The following NRXN1 variants were observed in gnomAD, a reference collection of about 807,000 sequenced individuals.
The protein encoded by NRXN1 is neurexin-1.
Under a neutral mutation model 150.9 loss-of-function variants are expected in NRXN1, and 39 were observed. The observed-to-expected ratio is 0.26, with a 90% CI of 0.20 to 0.34. The LOEUF (loss-of-function observed/expected upper bound fraction) is 0.34, where lower values mean the gene tolerates loss of function less well. Ranked by LOEUF, NRXN1 falls within the 10% of genes least tolerant of loss-of-function variation. NRXN1 has a pLI of 1.00. For synonymous variants in NRXN1, 924 were observed against 757.0 expected (o/e 1.22, Z -3.62); for missense variants, 1,815 against 1,949.9 (o/e 0.93, Z 1.30).
At position 50,508,254 on chromosome 2, in the gene NRXN1, T is replaced by C. The variant is rs146779756; in HGVS notation, c.2375-1637A>G. 1.5e-3 allele frequency among the ~76,000 whole-genome samples: 224 copies of C among 152,294 alleles called. 8 individuals carry two copies. In the East Asian group the frequency reaches 0.04, roughly 27 times the overall value. On this transcript the variant is annotated intron_variant, in intron 12 of 22. Coordinates refer to ENST00000401669, the MANE Select transcript of NRXN1 (RefSeq NM_001330078.2). ...CCTCAGTTATTTATATCTGTTTGTA[T>C]CTTTAGAGAAATTAAATTACAACTC... is the stretch of plus-strand genomic sequence containing the variant.
At chr2:50,370,836 T>C (rs2079966866) in intron 17 of NRXN1, among the ~76,000 whole-genome samples, 1 of 151,982 alleles carries the variant, frequency 6.6e-6, no homozygotes, top group African/African-American at 2.4e-5. Flanking sequence ...ACTTAATTCC[T>C]TTGCTCTGCT....
intron 8 of NRXN1, among the ~76,000 whole-genome samples, chr2:50,610,594 T>C (rs1677876600): frequency 7.2e-6 from 1 of 139,188 alleles, no homozygotes; most frequent in Non-Finnish European, 1.5e-5. Context: ...TACTCATCTA[T>C]GTGCCCCAGT....
At chr2:50,431,279 G>A (rs748811709) in intron 17 of NRXN1, among the ~76,000 whole-genome samples, 7 of 151,988 alleles carry the variant, frequency 4.6e-5, no homozygotes, top group Non-Finnish European at 1.0e-4. Context: ...TTACCTATTC[G>A]TTTCCCTTGA....
chr2:50,183,459 G>T (rs373563023), intron 18 of NRXN1, among the ~76,000 whole-genome samples: 2 of 151,624 alleles, frequency 1.3e-5, no homozygotes, highest in African/African-American at 2.4e-5. Flanking sequence ...ATTTGAAAAA[G>T]ACCTTACTTT....
At chr2:50,787,492 G>A (rs540186814) in intron 5 of NRXN1, among the ~76,000 whole-genome samples, 1 of 149,756 alleles carries the variant, frequency 6.7e-6, no homozygotes, top group Admixed American at 6.7e-5. Context: ...AACCCAGGAG[G>A]TAGAGGTTGC....
chr2:50,971,155 T>C (rs1165721466), intron 2 of NRXN1, among the ~76,000 whole-genome samples: 1 of 152,178 alleles, frequency 6.6e-6, no homozygotes, highest in Admixed American at 6.6e-5. Flanking sequence ...TAGGACCAAT[T>C]GTTTCATATT....
intron 5 of NRXN1, among the ~76,000 whole-genome samples, chr2:50,673,238 C>T (rs1689101643): frequency 1.3e-5 from 2 of 152,014 alleles, no homozygotes; most frequent in African/African-American, 2.4e-5. Flanking sequence ...ATTTTAATTA[C>T]AATTTATTAT....
At chr2:50,447,017 C>T (rs1164173111) in intron 17 of NRXN1, among the ~76,000 whole-genome samples, 1 of 151,994 alleles carries the variant, frequency 6.6e-6, no homozygotes, top group Non-Finnish European at 1.5e-5. Context: ...ATCTCTTTAC[C>T]ATATTGCTAC....
chr2:50,961,617 G>T (rs1693213065), intron 2 of NRXN1, among the ~76,000 whole-genome samples: 1 of 151,784 alleles, frequency 6.6e-6, no homozygotes. Context: ...GCTATAATAT[G>T]ATTCATTTGA....
intron 17 of NRXN1, among the ~76,000 whole-genome samples, chr2:50,311,111 A>C (rs1239508408): frequency 6.6e-6 from 1 of 152,118 alleles, no homozygotes; most frequent in East Asian, 1.9e-4. Context: ...TAAGAAGAGT[A>C]ATGCTATCTA....
At chr2:50,273,275 CTT>C (rs1558425524) in intron 17 of NRXN1, among the ~76,000 whole-genome samples, 1 of 152,126 alleles carries the variant, frequency 6.6e-6, no homozygotes, top group African/African-American at 2.4e-5. Context: ...ATTTTTAGGA[CTT>C]TATCATACAA....
rs1489990412 is a variant in NRXN1 at position 50,613,860 on chromosome 2, C to A, written c.1320+6162G>T. Among the ~76,000 whole-genome samples the A allele has an allele frequency of 2.0e-5, 3 of 152,124 alleles. No individual in the cohort carries two copies. In the East Asian group the frequency reaches 5.8e-4, roughly 29 times the overall value. Reference sequence around the variant, plus strand: ...GGCTGAGGCAGGAGAATGGCGTGAACCCAGGTGGCGGAGCTTGCAGTAAGC... The same window carrying A: ...GGCTGAGGCAGGAGAATGGCGTGAAACCAGGTGGCGGAGCTTGCAGTAAGC... On this transcript the variant is annotated intron_variant, in intron 8 of 22. Coordinates refer to ENST00000401669, the MANE Select transcript of NRXN1 (RefSeq NM_001330078.2).
chr2:50,425,403 T>C lies in NRXN1; in HGVS notation c.3364+40039A>G, dbSNP rs2084396128. 2.0e-5 allele frequency among the ~76,000 whole-genome samples: 3 copies of C among 152,310 alleles called. No homozygotes were observed. The South Asian group carries it at 6.2e-4, about 32-fold the overall frequency. On this transcript the variant is annotated intron_variant, in intron 17 of 22. Transcript: ENST00000401669. ...AAACATCCATTACAACCAGCAAGCT[T>C]CCTGTCTTACAACTACTCTCCAGCT...
At chr2:50,231,690 T>C (rs908178599) in intron 18 of NRXN1, among the ~76,000 whole-genome samples, 2 of 152,128 alleles carry the variant, frequency 1.3e-5, no homozygotes, top group African/African-American at 4.8e-5. Flanking sequence ...ACATTTCCTC[T>C]GGTCAGAACC....
chr2:50,042,859 T>C (rs1691221682), intron 21 of NRXN1, among the ~76,000 whole-genome samples: 1 of 152,154 alleles, frequency 6.6e-6, no homozygotes, highest in East Asian at 1.9e-4. Flanking sequence ...TTGGGGTTGT[T>C]CAGGAAATCA....
chr2:50,191,939 A>T (rs1307568470), intron 18 of NRXN1, among the ~76,000 whole-genome samples: 1 of 152,206 alleles, frequency 6.6e-6, no homozygotes, highest in African/African-American at 2.4e-5. Flanking sequence ...TTGGCTAGGA[A>T]GACATATCTA....
At chr2:50,069,532 A>C (rs1260454699) in intron 19 of NRXN1, among the ~76,000 whole-genome samples, 2 of 152,206 alleles carry the variant, frequency 1.3e-5, no homozygotes, top group Non-Finnish European at 1.5e-5. Flanking sequence ...AAGCAGTGAA[A>C]TATTTGGCTT....
intron 5 of NRXN1, among the ~76,000 whole-genome samples, chr2:50,877,319 T>C (rs1678750907): frequency 6.6e-6 from 1 of 151,904 alleles, no homozygotes; most frequent in African/African-American, 2.4e-5. Context: ...ACAAACTACT[T>C]TTCCGTTCTA....
chr2:50,676,525 TC>T (rs1009345376), intron 5 of NRXN1, among the ~76,000 whole-genome samples: 4 of 152,182 alleles, frequency 2.6e-5, no homozygotes, highest in Non-Finnish European at 4.4e-5. Flanking sequence ...GGCTCAATTT[TC>T]TTGTCTGTAC....
Sources: gnomAD v4.1 joint callset for allele counts (sites outside exome capture counted in the v4.1 genomes callset) on GRCh38, gnomAD v4.1.1 for gene constraint, MANE v1.5 for transcripts, NCBI Gene and HGNC (gene_info 2026-07-23, HGNC 2026-07-21) for gene names.